RUBCNL: variants seen among roughly 807,000 people sequenced by gnomAD.
The protein encoded by RUBCNL is protein associated with UVRAG as autophagy enhancer.
In RUBCNL, 62 loss-of-function variants were observed where a neutral mutation model predicts 69.5. The observed-to-expected ratio is 0.89, with a 90% CI of 0.73 to 1.10. The LOEUF (loss-of-function observed/expected upper bound fraction) is 1.10. Among genes scored for constraint, RUBCNL ranks in the 50% least tolerant of loss-of-function variants. The pLI is 0.00. For synonymous variants in RUBCNL, 291 were observed against 303.6 expected (o/e 0.96, Z 0.43); for missense variants, 768 against 798.1 (o/e 0.96, Z 0.45).
At chr13:46,381,964 G>A (rs924980995) in intron 1 of RUBCNL, among the ~76,000 whole-genome samples, 1 of 152,006 alleles carries the variant, frequency 6.6e-6, no homozygotes, top group Non-Finnish European at 1.5e-5. Context: ...CACCATATCT[G>A]GCCAATTTTT....
In RUBCNL at chr13:46,343,410, T is replaced by C. The variant is rs766052467; in HGVS notation, c.1964A>G (p.Glu655Gly). The C allele has an allele frequency of 2.2e-5, 36 of 1,613,700 alleles. No individual in the cohort carries two copies. Among genetic ancestry groups the C allele is most frequent in the East Asian group, 2.2e-4 (10 of 44,886 alleles). The change falls in exon 15 of 15, where the codon GAA becomes GGA. Residue 655 changes from glutamate to glycine, a missense_variant. Physicochemically the swap from Glu to Gly is moderately conservative, Grantham distance 98. Coordinates refer to ENST00000429979, the MANE Select transcript of RUBCNL (RefSeq NM_025113.5). ...TCATGTTGCTGCAGAGGCCACACTTTCCAGAAGTTTTCTCCTCGCTGTGAT... is the reference window on the plus strand; with the variant it reads ...TCATGTTGCTGCAGAGGCCACACTTCCCAGAAGTTTTCTCCTCGCTGTGAT... ...ARITARRKLL[E>G]SVASAAT
At chr13:46,387,337 T>C (rs1168690601), upstream of RUBCNL, 24 of 985,342 alleles carry the variant, frequency 2.4e-5, no homozygotes, top group Non-Finnish European at 2.8e-5. Flanking sequence ...ACCGTAGCTC[T>C]CTAGAAGCTC....
rs572290963 is a variant in RUBCNL, at chr13:46,338,066, T to C, written c.*5319A>G. Among the ~76,000 whole-genome samples, 1 of 152,252 alleles carries C rather than the reference T, an allele frequency of 6.6e-6. No homozygotes were observed. The highest frequency in any genetic ancestry group is 2.4e-5 in the African/African-American group (1 of 41,560). On this transcript the variant is annotated 3_prime_UTR_variant, in exon 15 of 15. Transcript: ENST00000429979. The stretch of plus-strand genomic sequence containing the variant: ...GAGTGTAAGGAGAAGGGAGCATGTG[T>C]GTGCACGTGCAGTACGCTGAAGAAT...
chr13:46,378,904 C>G lies in RUBCNL; in HGVS notation c.-238-899G>C, dbSNP rs535453954. On this transcript the variant is annotated intron_variant, in intron 1 of 14. Coordinates refer to ENST00000429979, the MANE Select transcript of RUBCNL (RefSeq NM_025113.5). ...AACTGGGGGCATCAGAGTAAAGACA[C>G]ACCTTAAATCTTACCTTGTCAGTAA... 4.6e-5 allele frequency among the ~76,000 whole-genome samples: 7 copies of G among 152,324 alleles called. No homozygotes were observed. The East Asian group carries it at 1.4e-3, about 29-fold the overall frequency.
rs201097770 is a variant in RUBCNL, at chr13:46,384,567, TA to T, written c.-239+2566del. Among the ~76,000 whole-genome samples, 9 of 151,020 alleles carry T rather than the reference TA, an allele frequency of 6.0e-5. No individual in the cohort carries two copies. In the South Asian group the frequency reaches 1.9e-3, roughly 32 times the overall value. On this transcript the variant is annotated intron_variant, in intron 1 of 14. Coordinates refer to ENST00000429979, the MANE Select transcript of RUBCNL (RefSeq NM_025113.5). Reference sequence around the variant, plus strand: ...GTGGGTGCTTTTCAACGTTACCTGTTAAAAAAAAACGTTGAGGTCTAATTTA... The same window carrying T: ...GTGGGTGCTTTTCAACGTTACCTGTTAAAAAAAACGTTGAGGTCTAATTTA...
chr13:46,366,934 G>A (rs779105746), intron 5 of RUBCNL, among the ~76,000 whole-genome samples: 1 of 152,154 alleles, frequency 6.6e-6, no homozygotes, highest in Non-Finnish European at 1.5e-5. Flanking sequence ...TAGAGAGCAA[G>A]CACTTAGAAG....
At chr13:46,389,392 G>C (rs1270053849), upstream of RUBCNL, among the ~76,000 whole-genome samples, 1 of 152,212 alleles carries the variant, frequency 6.6e-6, no homozygotes, top group Non-Finnish European at 1.5e-5. This position sits in a 1 kb window ranked among gnomAD's most constrained non-coding sequence, Gnocchi z 4.2. Context: ...AATACTTAAA[G>C]GGAAAGAGGA....
At chr13:46,364,579 G>A (rs751754535) in intron 5 of RUBCNL, among the ~76,000 whole-genome samples, 22 of 150,184 alleles carry the variant, frequency 1.5e-4, no homozygotes, top group South Asian at 2.1e-4. Flanking sequence ...CCATAGTAAC[G>A]TACAATTTAC....
In RUBCNL at chr13:46,345,549, G is replaced by A. The variant is rs1336366982; in HGVS notation, c.1683C>T (p.His561=). The change falls in exon 13 of 15, where the codon CAC becomes CAT. Residue 561 remains histidine, a synonymous_variant. Coordinates refer to ENST00000429979, the MANE Select transcript of RUBCNL (RefSeq NM_025113.5). The part of the protein sequence containing the change: ...QVPGHLTDEL[H]LFSLEDLVRI... ...TGACCAGGTCCTCAAGGGAGAACAG[G>A]TGGAGCTCATCAGTCAAGTGTCCCG... 1.2e-6 allele frequency: 2 copies of A among 1,613,418 alleles called. No homozygotes were observed. The highest frequency in any genetic ancestry group is 1.3e-5 in the African/African-American group (1 of 74,896).
intron 7 of RUBCNL, among the ~76,000 whole-genome samples, 190 bp from the exon 8 acceptor site, chr13:46,361,763 C>A (rs1362034452): frequency 6.6e-6 from 1 of 152,086 alleles, no homozygotes; most frequent in Non-Finnish European, 1.5e-5. Flanking sequence ...AATAAAGCAT[C>A]TTTTATTTAC....
intron 5 of RUBCNL, 73 bp downstream of exon 5, chr13:46,367,969 G>C: frequency 7.2e-7 from 1 of 1,390,580 alleles, no homozygotes; most frequent in Non-Finnish European, 1.0e-6. Context: ...ATGCCCCGTG[G>C]ATAAGGGGTA....
At chr13:46,384,160 T>C (rs1354275812) in intron 1 of RUBCNL, among the ~76,000 whole-genome samples, 1 of 152,198 alleles carries the variant, frequency 6.6e-6, no homozygotes. Context: ...AATAAAATGA[T>C]TTAACAATTG....
At chr13:46,360,648 C>T (rs927809313) in intron 8 of RUBCNL, among the ~76,000 whole-genome samples, 7 of 152,186 alleles carry the variant, frequency 4.6e-5, no homozygotes, top group Admixed American at 6.5e-5. Context: ...TTCCTAAGTT[C>T]CCCTGGTAAA....
In RUBCNL at chr13:46,361,123, G is replaced by C. The variant is rs1384340479; in HGVS notation, c.1119+318C>G. Among the ~76,000 whole-genome samples the C allele has an allele frequency of 2.0e-5, 3 of 152,312 alleles. No individual in the cohort carries two copies. The East Asian group carries it at 5.8e-4, about 29-fold the overall frequency. On this transcript the variant is annotated intron_variant, in intron 8 of 14. Coordinates refer to ENST00000429979, the MANE Select transcript of RUBCNL (RefSeq NM_025113.5). ...GCCTGTAGTCCCAGCTACTTGGGAG[G>C]CTGAGGCAGGAGAATCGCTTGAACC... is the stretch of plus-strand genomic sequence containing the variant.
rs996264326 is a variant in RUBCNL at position 46,335,489 on chromosome 13, T to C, written c.*7896A>G. Among the ~76,000 whole-genome samples the C allele has an allele frequency of 3.3e-5, 5 of 152,062 alleles. No individual in the cohort carries two copies. Among genetic ancestry groups the C allele is most frequent in the Non-Finnish European group, 7.4e-5 (5 of 68,014 alleles). On this transcript the variant is annotated 3_prime_UTR_variant, in exon 15 of 15. Transcript: ENST00000429979. ...GCTTTATAAACATTCTGGTGTTGTG[T>C]GGAGAATGGACTATAGAGGGGCAAG...
Position 46,341,170 on chromosome 13 carries a change from T to C in RUBCNL, c.*2215A>G, listed in dbSNP as rs1042463236. Among the ~76,000 whole-genome samples, 1 of 152,190 alleles carries C rather than the reference T, an allele frequency of 6.6e-6. No homozygotes were observed. Among genetic ancestry groups the C allele is most frequent in the Non-Finnish European group, 1.5e-5 (1 of 68,030 alleles). ...AATGACACACTACTGGAATTGCCCA[T>C]GTGAAGAGTGCAGAGGCAGAAAATG... On this transcript the variant is annotated 3_prime_UTR_variant, in exon 15 of 15. Transcript: ENST00000429979.
chr13:46,347,145 C>T lies in RUBCNL; in HGVS notation c.1632-1545G>A, dbSNP rs533230835. Among the ~76,000 whole-genome samples the T allele has an allele frequency of 2.0e-4, 31 of 152,300 alleles. No individual in the cohort carries two copies. In the East Asian group the frequency reaches 5.2e-3, roughly 26 times the overall value. The stretch of plus-strand genomic sequence containing the variant: ...TGCCTTTTCTTATTTAAAAACAAAA[C>T]TAGTAACCCCAGCACTTTGGGAGGC... On this transcript the variant is annotated intron_variant, in intron 12 of 14. Transcript: ENST00000429979.
In RUBCNL at chr13:46,372,498, T is replaced by C; in HGVS notation, c.-23A>G. 2 of 1,574,044 alleles carry C rather than the reference T, an allele frequency of 1.3e-6. No individual in the cohort carries two copies. The highest frequency in any genetic ancestry group is 1.7e-6 in the Non-Finnish European group (2 of 1,159,684). ...CATCTTTCCAGGCTTGTGGCTGGTG[T>C]GAATCCATTCAAAACAGATAGGAGT... On this transcript the variant is annotated 5_prime_UTR_variant, in exon 3 of 15. Coordinates refer to ENST00000429979, the MANE Select transcript of RUBCNL (RefSeq NM_025113.5).
chr13:46,346,254 A>G (rs937333009), intron 12 of RUBCNL, among the ~76,000 whole-genome samples: 3 of 152,188 alleles, frequency 2.0e-5, no homozygotes, highest in Non-Finnish European at 4.4e-5. Flanking sequence ...GGCATGCTAC[A>G]ATGCCAAATT....
Sources: gnomAD v4.1 joint callset for allele counts (sites outside exome capture counted in the v4.1 genomes callset) on GRCh38, gnomAD v4.1.1 for gene constraint, Gnocchi (gnomAD v3.1) non-coding constraint, MANE v1.5 for transcripts, NCBI Gene and HGNC (gene_info 2026-07-23, HGNC 2026-07-21) for gene names.